PLXNA2: variants seen among roughly 807,000 people sequenced by gnomAD.
The protein encoded by PLXNA2 is plexin A2.
In PLXNA2, 91 loss-of-function variants were observed where a neutral mutation model predicts 193.5. That is an observed-to-expected ratio of 0.47 (90% CI 0.40 to 0.56). The LOEUF is 0.56. Ranked by LOEUF, PLXNA2 falls within the 20% of genes least tolerant of loss-of-function variation. The pLI, the probability that PLXNA2 is intolerant of heterozygous loss-of-function variation, is 0.00. For missense variants in PLXNA2, 1,995 were observed against 2,503.2 expected (o/e 0.80, Z 4.33); for synonymous variants, 997 against 1,027.3 (o/e 0.97, Z 0.56).
chr1:208,061,616 A>C (rs1455975623), intron 12 of PLXNA2, among the ~76,000 whole-genome samples: 1 of 152,224 alleles, frequency 6.6e-6, no homozygotes, highest in African/African-American at 2.4e-5. Flanking sequence ...GGATTTTCCA[A>C]ATCTTTGCTG....
intron 4 of PLXNA2, among the ~76,000 whole-genome samples, chr1:208,122,877 G>A (rs964374678): frequency 1.2e-4 from 18 of 152,112 alleles, no homozygotes; most frequent in African/African-American, 4.1e-4. Context: ...CAGACAATTA[G>A]GACATGATCT....
chr1:208,186,137 G>A (rs867918935), intron 3 of PLXNA2, among the ~76,000 whole-genome samples: 9 of 152,180 alleles, frequency 5.9e-5, no homozygotes, highest in Non-Finnish European at 1.0e-4. Context: ...GGAGGCCCAG[G>A]AGGGTAGGAG....
At chr1:208,165,832 C>G (rs913484439) in intron 3 of PLXNA2, among the ~76,000 whole-genome samples, 5 of 152,194 alleles carry the variant, frequency 3.3e-5, no homozygotes, top group African/African-American at 9.6e-5. Context: ...GCCAGGACAT[C>G]TGGGTCTCAT....
intron 4 of PLXNA2, among the ~76,000 whole-genome samples, chr1:208,109,381 C>T (rs1448178260): frequency 6.6e-6 from 1 of 152,170 alleles, no homozygotes; most frequent in East Asian, 1.9e-4. Context: ...CCAATCCAAA[C>T]CTGTTTTCAA....
At chr1:208,089,921 G>C (rs1291345473) in intron 9 of PLXNA2, among the ~76,000 whole-genome samples, 1 of 152,160 alleles carries the variant, frequency 6.6e-6, no homozygotes, top group East Asian at 1.9e-4. Flanking sequence ...CCTTACCCAA[G>C]TTGGGCATGT....
Position 208,243,946 on chromosome 1 carries a change from G to GT in PLXNA2, c.-385dup, listed in dbSNP as rs916151598. ...GCACCCGGAGGCGCCGAGGGGGCGT[G>GT]TGGGGGCGGCCGGCGGTGTCTCTCC... On this transcript the variant is annotated 5_prime_UTR_variant, in exon 1 of 32. The change abolishes the stop of an existing upstream ORF in the 5' untranslated region. Coordinates refer to ENST00000367033, the MANE Select transcript of PLXNA2 (RefSeq NM_025179.4). The GT allele has an allele frequency of 9.8e-5, 15 of 152,430 alleles. No individual in the cohort carries two copies. Among genetic ancestry groups the GT allele is most frequent in the African/African-American group, 3.4e-4 (14 of 41,456 alleles). 9.4% of individuals were successfully genotyped at this position (152,430 alleles called of 1,614,324 possible). A position where few individuals can be genotyped will look rare whatever the true frequency, so the allele number is the denominator to read the frequency against.
rs942425281 is a variant in PLXNA2 at position 208,024,160 on chromosome 1, C to T, written c.*3083G>A. ...TTGTCTCTTGTGCAGATCAATGAAA[C>T]GAAGCGAAGCTGGATAGACTTTGGA... On this transcript the variant is annotated 3_prime_UTR_variant, in exon 32 of 32. Transcript: ENST00000367033. 1 of 152,238 alleles carries T rather than the reference C, an allele frequency of 6.6e-6. No individual in the cohort carries two copies. The highest frequency in any genetic ancestry group is 6.5e-5 in the Admixed American group (1 of 15,284). The allele number at this position is 152,238 out of a possible 1,614,324, so 9.4% of individuals were successfully genotyped here. A position where few individuals can be genotyped will look rare whatever the true frequency, so the allele number is the denominator to read the frequency against.
chr1:208,153,856 G>A (rs1308217594), intron 3 of PLXNA2, among the ~76,000 whole-genome samples: 1 of 152,188 alleles, frequency 6.6e-6, no homozygotes, highest in Non-Finnish European at 1.5e-5. Flanking sequence ...AGACAGCTGG[G>A]GGAGGGTCTA....
Position 208,078,043 on chromosome 1 carries a change from G to T in PLXNA2, c.2586+1217C>A, listed in dbSNP as rs117438210. 6.6e-5 allele frequency among the ~76,000 whole-genome samples: 10 copies of T among 152,298 alleles called. No individual in the cohort carries two copies. In the East Asian group the frequency reaches 1.9e-3, roughly 29 times the overall value. On this transcript the variant is annotated intron_variant, in intron 12 of 31. Transcript: ENST00000367033. Reference sequence around the variant, plus strand: ...TTATGTTACTTGGGAATATTGTAAAGAATTTAAAAATGGTTTTATAATTAA... The same window carrying T: ...TTATGTTACTTGGGAATATTGTAAATAATTTAAAAATGGTTTTATAATTAA...
intron 1 of PLXNA2, among the ~76,000 whole-genome samples, chr1:208,219,872 AC>A (rs1671265877): frequency 6.6e-6 from 1 of 152,214 alleles, no homozygotes; most frequent in African/African-American, 2.4e-5. Flanking sequence ...CCAGGCGCAC[AC>A]CGGCAAAGCC....
chr1:208,241,431 A>C (rs542395709), intron 1 of PLXNA2, among the ~76,000 whole-genome samples: 10 of 152,276 alleles, frequency 6.6e-5, no homozygotes, highest in Admixed American at 5.9e-4. Flanking sequence ...TGGACATAAG[A>C]CACTGCCATA....
chr1:208,229,658 G>A (rs1405631701), intron 1 of PLXNA2, among the ~76,000 whole-genome samples: 1 of 152,220 alleles, frequency 6.6e-6, no homozygotes, highest in Non-Finnish European at 1.5e-5. Flanking sequence ...TGGGAAGAAA[G>A]ATGGAGAAGA....
rs568905007 is a variant in PLXNA2 at position 208,123,786 on chromosome 1, G to A, written c.1506+18543C>T. Among the ~76,000 whole-genome samples the A allele has an allele frequency of 1.1e-3, 172 of 152,326 alleles. 5 individuals carry two copies. In the South Asian group the frequency reaches 0.032, roughly 28 times the overall value. On this transcript the variant is annotated intron_variant, in intron 4 of 31. Coordinates refer to ENST00000367033, the MANE Select transcript of PLXNA2 (RefSeq NM_025179.4). ...AGAAAGCAGTACCCTTGGGCCAAAC[G>A]CAGTTTCTGAGGTTGGAGGAGCTTC...
At position 208,025,007 on chromosome 1, in the gene PLXNA2, G is replaced by C. The variant is rs1370552076; in HGVS notation, c.*2236C>G. 3 of 152,600 alleles carry C rather than the reference G, an allele frequency of 2.0e-5. No homozygotes were observed. Among genetic ancestry groups the C allele is most frequent in the Admixed American group, 6.5e-5 (1 of 15,278 alleles). The allele number at this position is 152,600 out of a possible 1,614,324, so 9.5% of individuals were successfully genotyped here. On this transcript the variant is annotated 3_prime_UTR_variant, in exon 32 of 32. Coordinates refer to ENST00000367033, the MANE Select transcript of PLXNA2 (RefSeq NM_025179.4). ...AAGAGCAAACACTTTGGCTTAGTGC[G>C]GAAGGCCAGTCATTAGTATTTCCTT...
chr1:208,114,699 A>G (rs1312390910), intron 4 of PLXNA2, among the ~76,000 whole-genome samples: 2 of 151,936 alleles, frequency 1.3e-5, no homozygotes, highest in African/African-American at 4.8e-5. Context: ...GACACATCAG[A>G]CCCCCCGATA....
chr1:208,042,144 C>T lies in PLXNA2; in HGVS notation c.4240G>A (p.Asp1414Asn), dbSNP rs748477176. 7 of 1,614,054 alleles carry T rather than the reference C, an allele frequency of 4.3e-6. No homozygotes were observed. Among genetic ancestry groups the T allele is most frequent in the South Asian group, 2.2e-5 (2 of 91,086 alleles). The change falls in exon 22 of 32, where the codon GAT becomes AAT. Residue 1414 changes from aspartate to asparagine, a missense_variant. Asp to Asn is a conservative substitution (Grantham distance 23, BLOSUM62 1). Around this residue, in one of 3 missense-constraint regions of PLXNA2, gnomAD observed 1,291 missense variants for 1,673.6 expected, o/e 0.77. Coordinates refer to ENST00000367033, the MANE Select transcript of PLXNA2 (RefSeq NM_025179.4). Reference sequence around the variant, plus strand: ...TGGTTCTTGTTCTCCAGGTTCTTATCGATGAGGTCAGAGAGCAGCTGCTTG... The same window carrying T: ...TGGTTCTTGTTCTCCAGGTTCTTATTGATGAGGTCAGAGAGCAGCTGCTTG... ...VLKQLLSDLI[D>N]KNLENKNHPK...
At chr1:208,196,919 A>G (rs566574248) in intron 3 of PLXNA2, among the ~76,000 whole-genome samples, 1 of 152,354 alleles carries the variant, frequency 6.6e-6, no homozygotes, top group South Asian at 2.1e-4. Flanking sequence ...GAGGTGAAAG[A>G]AAAAGGGGAA....
At chr1:208,195,829 A>G (rs917953476) in intron 3 of PLXNA2, among the ~76,000 whole-genome samples, 3 of 151,518 alleles carry the variant, frequency 2.0e-5, no homozygotes, top group Admixed American at 2.0e-4. Context: ...GGTTGGGCAT[A>G]TTTTTTCCTT....
In PLXNA2 at chr1:208,153,747, C is replaced by T. The variant is rs148936451; in HGVS notation, c.1372-11284G>A. Among the ~76,000 whole-genome samples the T allele has an allele frequency of 2.3e-3, 352 of 152,292 alleles. 1 individual carries two copies. Among genetic ancestry groups the T allele is most frequent in the African/African-American group, 7.9e-3 (328 of 41,554 alleles). On this transcript the variant is annotated intron_variant, in intron 3 of 31. Coordinates refer to ENST00000367033, the MANE Select transcript of PLXNA2 (RefSeq NM_025179.4). ...GAGAAGGGAGGGAAGGGAAGTCAAG[C>T]CAGAAAGCCTCCATCCCTTGCAGTC...
Sources: allele counts gnomAD v4.1 joint callset (sites outside exome capture counted in the v4.1 genomes callset), GRCh38; gene constraint gnomAD v4.1.1; regional missense constraint gnomAD v4.1.1; transcripts MANE v1.5; gene names NCBI Gene and HGNC (gene_info 2026-07-23, HGNC 2026-07-21).